The following ADORA2B variants were observed in gnomAD, a reference collection of about 807,000 sequenced individuals.
ADORA2B encodes the protein adenosine receptor A2b.
ADORA2B carries 18 observed loss-of-function variants against 20.8 expected under a neutral mutation model. The ratio of observed to expected loss-of-function variants is 0.87; its 90% CI spans 0.60 to 1.29. ADORA2B has a LOEUF of 1.29. Among genes scored for constraint, ADORA2B ranks in the 50% most tolerant of loss-of-function variants. The pLI, the probability that ADORA2B is intolerant of heterozygous loss-of-function variation, is 0.00. For synonymous variants in ADORA2B, 179 were observed against 178.3 expected (o/e 1.00, Z -0.03); for missense variants, 441 against 422.7 (o/e 1.04, Z -0.38).
At chr17:15,940,520 G>C (rs1969734576), upstream of ADORA2B, among the ~76,000 whole-genome samples, 1 of 152,144 alleles carries the variant, frequency 6.6e-6, no homozygotes. Context: ...CTGAAATGTA[G>C]GCTGTGACTC....
chr17:15,865,566 A>G, the ADORA2B span, among the ~76,000 whole-genome samples: 1 of 152,114 alleles, frequency 6.6e-6, no homozygotes, highest in Non-Finnish European at 1.5e-5. Context: ...CTGGCCTCAA[A>G]TGATAGTCTC....
chr17:15,892,457 C>T, the ADORA2B span, among the ~76,000 whole-genome samples: 1 of 151,772 alleles, frequency 6.6e-6, no homozygotes, highest in African/African-American at 2.4e-5. Flanking sequence ...GTGTTAGCCA[C>T]CGTGCTCGGC....
At chr17:15,921,218 A>G in the ADORA2B span, among the ~76,000 whole-genome samples, 20 of 152,346 alleles carry the variant, frequency 1.3e-4, no homozygotes, top group East Asian at 3.7e-3. Context: ...GCAAATCTCA[A>G]TCAGAACTGG....
the ADORA2B span, among the ~76,000 whole-genome samples, chr17:15,938,738 GA>G: frequency 6.6e-6 from 1 of 152,204 alleles, no homozygotes; most frequent in Non-Finnish European, 1.5e-5. Context: ...ATAACAGTGG[GA>G]ACCAAAAACA....
At chr17:15,916,957 A>G in the ADORA2B span, among the ~76,000 whole-genome samples, 1 of 152,234 alleles carries the variant, frequency 6.6e-6, no homozygotes, top group East Asian at 1.9e-4. Context: ...CTGCACTCCT[A>G]GCCACTGCTC....
the ADORA2B span, among the ~76,000 whole-genome samples, chr17:15,875,166 T>C: frequency 3.3e-5 from 5 of 152,202 alleles, no homozygotes; most frequent in African/African-American, 7.2e-5. Context: ...GAAAGCTCTG[T>C]GTTCCCATAA....
chr17:15,975,027 GGA>G lies in ADORA2B; in HGVS notation c.687_688del (p.Glu229AspfsTer25). 6.2e-7 allele frequency: 1 copy of G among 1,614,166 alleles called. No individual in the cohort carries two copies. The highest frequency in any genetic ancestry group is 8.5e-7 in the Non-Finnish European group (1 of 1,180,040). ...MDHSRTTLQR[E>X]IHAAKSLAMI... is the part of the protein sequence containing the mutation. ...ACCACTCGAGGACCACCCTCCAGCG[GGA>G]GATCCATGCAGCCAAGTCACTGGCC... On this transcript the variant is annotated frameshift_variant, in exon 2 of 2. Coordinates refer to ENST00000304222, the MANE Select transcript of ADORA2B (RefSeq NM_000676.4). LOFTEE classifies it high-confidence loss of function.
chr17:15,921,625 G>T, the ADORA2B span, among the ~76,000 whole-genome samples: 1 of 152,064 alleles, frequency 6.6e-6, no homozygotes, highest in East Asian at 1.9e-4. Flanking sequence ...ATCAGCACAC[G>T]TCAGTATCAG....
At chr17:15,880,045 TGTTA>T in the ADORA2B span, among the ~76,000 whole-genome samples, 1 of 147,448 alleles carries the variant, frequency 6.8e-6, no homozygotes, top group Non-Finnish European at 1.5e-5. Flanking sequence ...TGAAAGGACC[TGTTA>T]GTTGTGCAGA....
At chr17:15,866,118 T>C in the ADORA2B span, among the ~76,000 whole-genome samples, 3 of 152,364 alleles carry the variant, frequency 2.0e-5, no homozygotes, top group East Asian at 1.9e-4. Flanking sequence ...AGCGCTGTTA[T>C]GTTCTTGTCG....
the ADORA2B span, among the ~76,000 whole-genome samples, chr17:15,851,068 A>G: frequency 6.6e-6 from 1 of 152,206 alleles, no homozygotes; most frequent in South Asian, 2.1e-4. Flanking sequence ...ATCAATTTAT[A>G]TAGCCATACT....
At chr17:15,883,869 G>A in the ADORA2B span, among the ~76,000 whole-genome samples, 1 of 152,228 alleles carries the variant, frequency 6.6e-6, no homozygotes, top group African/African-American at 2.4e-5. Context: ...GAACCTGCAT[G>A]TGTCATCAGA....
chr17:15,910,165 C>T, the ADORA2B span, among the ~76,000 whole-genome samples: 4 of 152,226 alleles, frequency 2.6e-5, no homozygotes, highest in East Asian at 7.7e-4. Context: ...ACTGCCATTA[C>T]TACTCAAAGT....
chr17:15,899,617 C>T, the ADORA2B span, among the ~76,000 whole-genome samples: 14 of 152,132 alleles, frequency 9.2e-5, no homozygotes, highest in African/African-American at 3.1e-4. Context: ...CTCTTGTAGT[C>T]CCCAGTGTCT....
chr17:15,883,226 A>G, the ADORA2B span, among the ~76,000 whole-genome samples: 1 of 152,218 alleles, frequency 6.6e-6, no homozygotes, highest in Non-Finnish European at 1.5e-5. Context: ...TAATTATTAC[A>G]TATTATTTTC....
At chr17:15,928,892 G>C in the ADORA2B span, among the ~76,000 whole-genome samples, 2 of 152,120 alleles carry the variant, frequency 1.3e-5, no homozygotes, top group African/African-American at 4.8e-5. Flanking sequence ...ACTGTGGCAA[G>C]CAGGGCTCGA....
Position 15,974,752 on chromosome 17 carries a change from G to A in ADORA2B, c.409G>A (p.Gly137Arg), listed in dbSNP as rs765095998. 2.5e-5 allele frequency: 40 copies of A among 1,613,988 alleles called. No individual in the cohort carries two copies. Among genetic ancestry groups the A allele is most frequent in the African/African-American group, 5.3e-5 (4 of 74,890 alleles). The change falls in exon 2 of 2, where the codon GGA (glycine) becomes AGA (arginine). Residue 137 changes from glycine to arginine, a missense_variant. By Grantham distance (125) the Gly-to-Arg change is moderately radical. Transcript: ENST00000304222. ...AVLWVLAFGI[G>R]LTPFLGWNSK... ...CCTCTGGGTCCTTGCCTTTGGCATCGGATTGACTCCATTCCTGGGGTGGAA... is the reference window on the plus strand; with the variant it reads ...CCTCTGGGTCCTTGCCTTTGGCATCAGATTGACTCCATTCCTGGGGTGGAA...
At chr17:15,930,504 C>A in the ADORA2B span, among the ~76,000 whole-genome samples, 1 of 152,236 alleles carries the variant, frequency 6.6e-6, no homozygotes, top group South Asian at 2.1e-4. Context: ...CTGTATTGGC[C>A]AAGCTGGTCT....
At chr17:15,882,508 G>A in the ADORA2B span, among the ~76,000 whole-genome samples, 1 of 152,158 alleles carries the variant, frequency 6.6e-6, no homozygotes, top group Non-Finnish European at 1.5e-5. Flanking sequence ...GAGCCCAGAA[G>A]TTCAAGGCTG....
Sources: gnomAD v4.1 joint callset for allele counts (sites outside exome capture counted in the v4.1 genomes callset) on GRCh38, gnomAD v4.1.1 for gene constraint, MANE v1.5 for transcripts, NCBI Gene and HGNC (gene_info 2026-07-23, HGNC 2026-07-21) for gene names.